SLC24A2: variants seen among roughly 807,000 people sequenced by gnomAD.
SLC24A2 encodes the protein solute carrier family 24 member 2, also known as sodium/potassium/calcium exchanger 2.
SLC24A2 carries 36 observed loss-of-function variants against 62.0 expected under a neutral mutation model. The observed-to-expected ratio is 0.58, with a 90% CI of 0.44 to 0.77. The LOEUF (loss-of-function observed/expected upper bound fraction) is 0.77. Ranked by LOEUF, SLC24A2 falls within the 30% of genes least tolerant of loss-of-function variation. The pLI is 0.00. For missense variants in SLC24A2, 846 were observed against 817.9 expected (o/e 1.03, Z -0.42); for synonymous variants, 358 against 294.0 (o/e 1.22, Z -2.23).
the SLC24A2 span, among the ~76,000 whole-genome samples, chr9:20,072,689 G>A: frequency 6.6e-5 from 10 of 151,922 alleles, no homozygotes; most frequent in Non-Finnish European, 1.5e-4. Flanking sequence ...TGCAGGAGGA[G>A]TCAGAGTCAG....
the SLC24A2 span, among the ~76,000 whole-genome samples, chr9:20,116,363 T>C: frequency 6.6e-6 from 1 of 152,108 alleles, no homozygotes; most frequent in Admixed American, 6.6e-5. Flanking sequence ...CTTTATGAGG[T>C]GTGGTTTCAA....
At chr9:19,598,065 G>A (rs1836748869) in intron 4 of SLC24A2, among the ~76,000 whole-genome samples, 1 of 152,208 alleles carries the variant, frequency 6.6e-6, no homozygotes, top group South Asian at 2.1e-4. Context: ...GCTGGTGGGA[G>A]TGGCAGCTGC....
the SLC24A2 span, among the ~76,000 whole-genome samples, chr9:19,947,808 A>AAAAGAAAGAAAGAAAGAAAGAAAGAAAG: frequency 1.9e-3 from 111 of 59,258 alleles, 1 homozygote; most frequent in South Asian, 3.8e-3. Flanking sequence ...AAAAAAAAAA[A>AAAAGAAAGAAAGAAAGAAAGAAAGAAAG]AAAGAAAGAA....
At chr9:19,978,794 C>T in the SLC24A2 span, among the ~76,000 whole-genome samples, 1 of 151,908 alleles carries the variant, frequency 6.6e-6, no homozygotes, top group African/African-American at 2.4e-5. Flanking sequence ...AAATGAGCAG[C>T]TGGGTGGGAG....
At chr9:19,915,266 G>A in the SLC24A2 span, among the ~76,000 whole-genome samples, 13 of 152,128 alleles carry the variant, frequency 8.5e-5, no homozygotes, top group South Asian at 1.7e-3. Flanking sequence ...TCAGCGCTTC[G>A]TTCTTTTTTA....
At chr9:19,880,001 G>GT in the SLC24A2 span, among the ~76,000 whole-genome samples, 2 of 152,032 alleles carry the variant, frequency 1.3e-5, no homozygotes, top group East Asian at 3.9e-4. Context: ...ACATGAAGAA[G>GT]TAAAAAAATA....
chr9:19,740,328 A>G (rs1054389201), intron 2 of SLC24A2, among the ~76,000 whole-genome samples: 2 of 152,214 alleles, frequency 1.3e-5, no homozygotes, highest in African/African-American at 4.8e-5. Flanking sequence ...AAATAAGCCA[A>G]TTGTACATCA....
the SLC24A2 span, among the ~76,000 whole-genome samples, chr9:19,849,587 T>G: frequency 6.6e-6 from 1 of 152,216 alleles, no homozygotes; most frequent in Admixed American, 6.5e-5. Context: ...TATCTAATTT[T>G]AAAAATGAAA....
chr9:19,645,740 G>T lies in SLC24A2; in HGVS notation c.931-23441C>A, dbSNP rs957110473. Among the ~76,000 whole-genome samples, 4 of 152,286 alleles carry T rather than the reference G, an allele frequency of 2.6e-5. No homozygotes were observed. In the East Asian group the frequency reaches 7.7e-4, roughly 29 times the overall value. On this transcript the variant is annotated intron_variant, in intron 2 of 10. Transcript: ENST00000341998. Reference sequence around the variant, plus strand: ...ACCGCAATCTTGGGCTTCTTATATTGATTCTGCAAGAAAGAAGACTTTGCA... The same window carrying T: ...ACCGCAATCTTGGGCTTCTTATATTTATTCTGCAAGAAAGAAGACTTTGCA...
chr9:20,048,429 C>T, the SLC24A2 span, among the ~76,000 whole-genome samples: 4 of 152,114 alleles, frequency 2.6e-5, no homozygotes, highest in Admixed American at 6.6e-5. Flanking sequence ...TCTACATTGG[C>T]GAAAACACTT....
At chr9:20,228,781 A>C in the SLC24A2 span, among the ~76,000 whole-genome samples, 1 of 152,108 alleles carries the variant, frequency 6.6e-6, no homozygotes, top group African/African-American at 2.4e-5. Flanking sequence ...GTATGTGGAA[A>C]AGGAAGGAGA....
At chr9:20,137,830 T>C in the SLC24A2 span, among the ~76,000 whole-genome samples, 12 of 152,164 alleles carry the variant, frequency 7.9e-5, no homozygotes, top group Non-Finnish European at 4.4e-5. Flanking sequence ...ATGTTTGCAA[T>C]AAATTGACCA....
At chr9:20,287,128 A>G in the SLC24A2 span, among the ~76,000 whole-genome samples, 1 of 152,208 alleles carries the variant, frequency 6.6e-6, no homozygotes, top group Non-Finnish European at 1.5e-5. Flanking sequence ...GTTTTAAGAC[A>G]ACCAAACCTG....
the SLC24A2 span, among the ~76,000 whole-genome samples, chr9:20,000,774 A>G: frequency 6.6e-6 from 1 of 152,222 alleles, no homozygotes; most frequent in East Asian, 1.9e-4. Context: ...TACATGCCCT[A>G]GAGACTAAGT....
intron 2 of SLC24A2, among the ~76,000 whole-genome samples, chr9:19,690,775 C>T (rs1820020374): frequency 6.6e-6 from 1 of 152,034 alleles, no homozygotes; most frequent in Non-Finnish European, 1.5e-5. Context: ...GTTCCAAATC[C>T]TTTTCCCCTA....
At chr9:19,782,610 A>C (rs1477812019) in intron 2 of SLC24A2, among the ~76,000 whole-genome samples, 1 of 152,228 alleles carries the variant, frequency 6.6e-6, no homozygotes, top group Non-Finnish European at 1.5e-5. Context: ...TCACTGGAGC[A>C]AGTTCAGTCT....
intron 6 of SLC24A2, 25 bp downstream of exon 6, chr9:19,576,899 G>A (rs775086961): frequency 1.3e-6 from 2 of 1,548,350 alleles, no homozygotes; most frequent in South Asian, 2.2e-5. Context: ...GGAAAGGTAT[G>A]GGGTGGATGT....
chr9:19,735,129 T>C (rs993225801), intron 2 of SLC24A2, among the ~76,000 whole-genome samples: 2 of 151,756 alleles, frequency 1.3e-5, no homozygotes, highest in Admixed American at 6.6e-5. Flanking sequence ...TGGGCTGATA[T>C]CCAGAATCTA....
the SLC24A2 span, among the ~76,000 whole-genome samples, chr9:20,265,158 C>T: frequency 6.6e-6 from 1 of 152,244 alleles, no homozygotes; most frequent in Non-Finnish European, 1.5e-5. Context: ...GAGCCTTCCT[C>T]ATCATGTGAG....
Sources: allele counts gnomAD v4.1 joint callset (sites outside exome capture counted in the v4.1 genomes callset), GRCh38; gene constraint gnomAD v4.1.1; transcripts MANE v1.5; gene names NCBI Gene and HGNC (gene_info 2026-07-23, HGNC 2026-07-21).